Variants in DAB1 observed in about 807,000 individuals in gnomAD.
DAB1 encodes the protein DAB adaptor protein 1, also known as disabled homolog 1.
Under a neutral mutation model 64.6 loss-of-function variants are expected in DAB1, and 15 were observed. The observed-to-expected ratio is 0.23, with a 90% CI of 0.16 to 0.36. The LOEUF (loss-of-function observed/expected upper bound fraction) is 0.36, where lower values mean the gene tolerates loss of function less well. Ranked by LOEUF, DAB1 falls within the 10% of genes least tolerant of loss-of-function variation. The pLI, the probability that DAB1 is intolerant of heterozygous loss-of-function variation, is 1.00. For missense variants in DAB1, 596 were observed against 706.7 expected (o/e 0.84, Z 1.78); for synonymous variants, 235 against 251.9 (o/e 0.93, Z 0.64).
chr1:57,841,924 C>T (rs1233841381), intron 1 of DAB1, among the ~76,000 whole-genome samples: 1 of 152,176 alleles, frequency 6.6e-6, no homozygotes, highest in African/African-American at 2.4e-5. Flanking sequence ...TGAATTTCTC[C>T]CTAGAAAATG....
chr1:57,841,881 C>T lies in DAB1; in HGVS notation n.88-15426G>A, dbSNP rs943523054. On this transcript the variant is annotated intron_variant and non_coding_transcript_variant, in intron 1 of 1. Transcript: ENST00000477280. ...TTGTCTTGGCAATTAACATTTGGCT[C>T]CTTGTTACTTATGTAAATTTCTGCA... Among the ~76,000 whole-genome samples, 4 of 152,180 alleles carry T rather than the reference C, an allele frequency of 2.6e-5. No homozygotes were observed. In the East Asian group the frequency reaches 7.7e-4, roughly 29 times the overall value.
chr1:57,094,729 A>G (rs760797072), intron 4 of DAB1, among the ~76,000 whole-genome samples: 2 of 152,176 alleles, frequency 1.3e-5, no homozygotes, highest in African/African-American at 4.8e-5. Context: ...CCACTGAAGG[A>G]TCTTATCACT....
intron 1 of DAB1, chr1:57,876,464 T>C (rs1644048651): frequency 6.6e-6 from 1 of 152,204 alleles, no homozygotes; most frequent in African/African-American, 2.4e-5. Context: ...CGTAAGGTGA[T>C]TGTTGTGATG....
intron 6 of DAB1, among the ~76,000 whole-genome samples, chr1:57,709,579 T>G (rs561788220): frequency 9.5e-4 from 144 of 152,036 alleles, no homozygotes; most frequent in African/African-American, 3.4e-3. Context: ...AGTGGAAGTT[T>G]AATAGGTGAA....
rs547705319 is a variant in DAB1 at position 58,516,685 on chromosome 1, G to T, written n.108-10476C>A. 6.6e-5 allele frequency among the ~76,000 whole-genome samples: 10 copies of T among 152,242 alleles called. No homozygotes were observed. The East Asian group carries it at 1.9e-3, about 29-fold the overall frequency. ...TGAAAGAGGCTTCATGAGTAACATCGTTTTTGTGAATTTTGCACGTTGAAA... is the reference window on the plus strand; with the variant it reads ...TGAAAGAGGCTTCATGAGTAACATCTTTTTTGTGAATTTTGCACGTTGAAA... On this transcript the variant is annotated intron_variant and non_coding_transcript_variant, in intron 2 of 20. Transcript: ENST00000485760.
chr1:58,051,496 T>C (rs75986549), intron 5 of DAB1, among the ~76,000 whole-genome samples: 52,405 of 152,072 alleles, frequency 0.34, 9,749 homozygotes, highest in African/African-American at 0.49. Context: ...TGAATAGTGC[T>C]GCAATAGACA....
intron 6 of DAB1, among the ~76,000 whole-genome samples, chr1:57,716,210 T>C (rs1647082501): frequency 6.6e-6 from 1 of 152,132 alleles, no homozygotes; most frequent in Non-Finnish European, 1.5e-5. Flanking sequence ...GCCCAGCCCA[T>C]GACATTCTTC....
At chr1:57,490,144 A>T (rs537140439) in intron 7 of DAB1, among the ~76,000 whole-genome samples, 1 of 152,326 alleles carries the variant, frequency 6.6e-6, no homozygotes, top group South Asian at 2.1e-4. Flanking sequence ...TCAGCCTCCC[A>T]AATGGTGAGA....
chr1:58,510,823 A>G (rs1646064479), intron 2 of DAB1, among the ~76,000 whole-genome samples: 1 of 152,166 alleles, frequency 6.6e-6, no homozygotes, highest in African/African-American at 2.4e-5. Context: ...TGTTCTACAC[A>G]CTAACAACAA....
chr1:58,397,102 A>G (rs1398002911), intron 3 of DAB1, among the ~76,000 whole-genome samples: 1 of 150,976 alleles, frequency 6.6e-6, no homozygotes, highest in Non-Finnish European at 1.5e-5. Context: ...AGAAACAGAG[A>G]GGGCAAGAGA....
intron 5 of DAB1, among the ~76,000 whole-genome samples, chr1:57,967,531 C>T (rs190932481): frequency 6.6e-6 from 1 of 152,244 alleles, no homozygotes; most frequent in African/African-American, 2.4e-5. Context: ...TCTTGAAAGG[C>T]TTACTAGCAC....
At position 58,022,424 on chromosome 1, in the gene DAB1, C is replaced by T. The variant is rs533586767; in HGVS notation, n.387+128087G>A. Among the ~76,000 whole-genome samples, 49 of 152,336 alleles carry T rather than the reference C, an allele frequency of 3.2e-4. No individual in the cohort carries two copies. The South Asian group carries it at 0.01, about 32-fold the overall frequency. On this transcript the variant is annotated intron_variant and non_coding_transcript_variant, in intron 5 of 20. Transcript: ENST00000485760. ...TATGGAAATTCAAGTCAGAAGGTTG[C>T]ATCTTGCTTTGGCAGAGTAGACCTG...
intron 2 of DAB1, among the ~76,000 whole-genome samples, chr1:57,280,040 T>C (rs1239778037): frequency 6.6e-6 from 1 of 152,198 alleles, no homozygotes; most frequent in Non-Finnish European, 1.5e-5. Context: ...AGAAGTTTAG[T>C]CCAGGGTTAA....
intron 6 of DAB1, among the ~76,000 whole-genome samples, chr1:57,777,992 G>A (rs1428064928): frequency 6.6e-6 from 1 of 152,034 alleles, no homozygotes; most frequent in Non-Finnish European, 1.5e-5. Context: ...GTCTAGAATA[G>A]CCTTTACTCT....
At chr1:57,366,332 G>C (rs1010283127) in intron 1 of DAB1, among the ~76,000 whole-genome samples, 11 of 152,182 alleles carry the variant, frequency 7.2e-5, no homozygotes, top group African/African-American at 2.7e-4. Flanking sequence ...GTAGTAAAAT[G>C]CAACCCACCT....
At chr1:57,092,491 TTC>T (rs1439958807) in intron 4 of DAB1, among the ~76,000 whole-genome samples, 1 of 152,040 alleles carries the variant, frequency 6.6e-6, no homozygotes, top group Non-Finnish European at 1.5e-5. Flanking sequence ...ACCCCTGGGT[TTC>T]TCTCTTTCCT....
At chr1:58,360,498 G>C (rs1341743) in intron 3 of DAB1, among the ~76,000 whole-genome samples, 12,660 of 152,054 alleles carry the variant, frequency 0.083, 603 homozygotes, top group East Asian at 0.21. Context: ...CGTTCTTGCC[G>C]CCTTTTCATC....
intron 5 of DAB1, among the ~76,000 whole-genome samples, chr1:58,084,870 A>G (rs1366103470): frequency 6.6e-6 from 1 of 151,948 alleles, no homozygotes; most frequent in Non-Finnish European, 1.5e-5. Context: ...GCTTGTCACA[A>G]GAAATGTGGA....
upstream of DAB1, among the ~76,000 whole-genome samples, chr1:57,885,326 G>A (rs2101974812): frequency 1.3e-5 from 2 of 152,324 alleles, no homozygotes; most frequent in East Asian, 3.9e-4. Flanking sequence ...AAAGTTGCTT[G>A]TGACCACAGC....
Sources: gnomAD v4.1 joint callset for allele counts (sites outside exome capture counted in the v4.1 genomes callset) on GRCh38, gnomAD v4.1.1 for gene constraint, MANE v1.5 for transcripts, NCBI Gene and HGNC (gene_info 2026-07-23, HGNC 2026-07-21) for gene names.